KPNA6: variants seen among roughly 807,000 people sequenced by gnomAD.
KPNA6 encodes the protein importin subunit alpha-7.
KPNA6 carries 9 observed loss-of-function variants against 72.0 expected under a neutral mutation model. The ratio of observed to expected loss-of-function variants is 0.13; its 90% CI spans 0.08 to 0.22. The LOEUF is 0.22. Ranked by LOEUF, KPNA6 falls within the 10% of genes least tolerant of loss-of-function variation. The probability of loss-of-function intolerance (pLI) is 1.00; values close to 1 mark genes in which losing one functional copy is unlikely to be tolerated. For missense variants in KPNA6, 374 were observed against 655.7 expected (o/e 0.57, Z 4.69); for synonymous variants, 219 against 242.1 (o/e 0.90, Z 0.89).
intron 1 of KPNA6, among the ~76,000 whole-genome samples, chr1:32,146,545 T>C (rs560202044): frequency 6.6e-6 from 1 of 152,330 alleles, no homozygotes; most frequent in South Asian, 2.1e-4. Flanking sequence ...TTTATAACAC[T>C]CTAGTTGGAA....
chr1:32,153,052 A>G (rs1642065389), intron 1 of KPNA6, among the ~76,000 whole-genome samples: 1 of 147,088 alleles, frequency 6.8e-6, no homozygotes, highest in Non-Finnish European at 1.5e-5. Context: ...TAGTGTGAAC[A>G]TTTAATTACT....
chr1:32,166,012 A>AAACAAC (rs780584561), intron 10 of KPNA6, 93 bp from the exon 11 acceptor site: 24 of 1,388,176 alleles, frequency 1.7e-5, no homozygotes, highest in Non-Finnish European at 2.1e-5. Flanking sequence ...AAAAAAACAA[A>AAACAAC]AACAACAACA....
intron 1 of KPNA6, among the ~76,000 whole-genome samples, chr1:32,121,218 A>T (rs1188881724): frequency 6.6e-6 from 1 of 152,140 alleles, no homozygotes; most frequent in Non-Finnish European, 1.5e-5. Context: ...GCAGGAGATG[A>T]TGGCAGCAGC....
chr1:32,111,689 C>G lies in KPNA6; in HGVS notation c.4+3555C>G, dbSNP rs76078223. On this transcript the variant is annotated intron_variant, in intron 1 of 13. Coordinates refer to ENST00000373625, the MANE Select transcript of KPNA6 (RefSeq NM_012316.5). Reference sequence around the variant, plus strand: ...CACTAACACAGCCTGCCTTCACATGCCCACAAGTACGGAACCTGCCGTATT... The same window carrying G: ...CACTAACACAGCCTGCCTTCACATGGCCACAAGTACGGAACCTGCCGTATT... 5.4e-3 allele frequency among the ~76,000 whole-genome samples: 822 copies of G among 152,260 alleles called. 3 individuals are homozygous for G. The highest frequency in any genetic ancestry group is 0.019 in the African/African-American group (779 of 41,550).
At chr1:32,108,163 C>G (rs1462520722) in intron 1 of KPNA6, 29 bp downstream of exon 1, 3 of 1,613,856 alleles carry the variant, frequency 1.9e-6, no homozygotes, top group Non-Finnish European at 2.5e-6. Context: ...CAGTAGGGTT[C>G]TTGGGCTCAG....
chr1:32,172,994 T>C lies in KPNA6; in HGVS notation c.*2100T>C, dbSNP rs1642465465. The C allele has an allele frequency of 2.5e-6, 1 of 398,322 alleles. No homozygotes were observed. The highest frequency in any genetic ancestry group is 4.4e-6 in the Non-Finnish European group (1 of 225,950). The allele number at this position is 398,322 out of a possible 1,614,324, so 24.7% of individuals were successfully genotyped here. On this transcript the variant is annotated 3_prime_UTR_variant, in exon 14 of 14. Transcript: ENST00000373625. ...AAGCCATTTTCTGAGGAGGATGGTT[T>C]AGGTCTGGCAATTGTCCTTGAAAAA...
chr1:32,154,613 C>T lies in KPNA6; in HGVS notation c.30C>T (p.Asp10=). 1.2e-6 allele frequency: 2 copies of T among 1,613,664 alleles called. No homozygotes were observed. The highest frequency in any genetic ancestry group is 1.7e-6 in the Non-Finnish European group (2 of 1,179,810). ...AGACCATGGCGAGCCCAGGGAAAGA[C>T]AATTATCGAATGAAGAGCTATAAGA... The part of the protein sequence containing the change: METMASPGK[D]NYRMKSYKNN... The change falls in exon 2 of 14, where the codon GAC becomes GAT. Residue 10 remains aspartate (D), a synonymous_variant. Coordinates refer to ENST00000373625, the MANE Select transcript of KPNA6 (RefSeq NM_012316.5).
chr1:32,143,052 T>TCACACTGTCGCCCAGGCTGAAGTGCAGTG, intron 1 of KPNA6: 1 of 1,207,202 alleles, frequency 8.3e-7, no homozygotes, highest in Non-Finnish European at 1.1e-6. Context: ...TTCATAGTGC[T>TCACACTGTCGCCCAGGCTGAAGTGCAGTG]GCCTTCAGAA....
chr1:32,124,949 A>G (rs761707117), intron 1 of KPNA6, among the ~76,000 whole-genome samples: 6 of 150,816 alleles, frequency 4.0e-5, no homozygotes, highest in Admixed American at 6.6e-5. Context: ...GGTTCAAACA[A>G]TTCTCCTGCC....
intron 8 of KPNA6, 131 bp from the exon 9 acceptor site, chr1:32,162,230 G>A (rs1380139378): frequency 2.0e-6 from 2 of 984,486 alleles, no homozygotes; most frequent in Non-Finnish European, 3.1e-6. Flanking sequence ...GTTTAATGTA[G>A]TAGCGATCCC....
At position 32,170,956 on chromosome 1, in the gene KPNA6, C is replaced by T. The variant is rs1642424975; in HGVS notation, c.*62C>T. On this transcript the variant is annotated 3_prime_UTR_variant, in exon 14 of 14. Transcript: ENST00000373625. ...CACCAGCCAGCGGAAGAGCAGCCCT[C>T]TGGTGGGCGGGAAACCAGTGTCCCC... is the stretch of plus-strand genomic sequence containing the variant. 14 of 1,495,502 alleles carry T rather than the reference C, an allele frequency of 9.4e-6. No homozygotes were observed. Among genetic ancestry groups the T allele is most frequent in the Non-Finnish European group, 1.2e-5 (13 of 1,078,936 alleles). The allele number at this position is 1,495,502 out of a possible 1,614,324, so 92.6% of individuals were successfully genotyped here.
chr1:32,125,979 TAAAAAAA>T (rs75504815), intron 1 of KPNA6, among the ~76,000 whole-genome samples: 17 of 98,980 alleles, frequency 1.7e-4, no homozygotes, highest in Admixed American at 6.6e-4. Flanking sequence ...CTATATTTAC[TAAAAAAA>T]AAAAAAAAAA....
At chr1:32,124,236 A>G (rs1641490423) in intron 1 of KPNA6, among the ~76,000 whole-genome samples, 1 of 151,734 alleles carries the variant, frequency 6.6e-6, no homozygotes, top group Admixed American at 6.6e-5. Flanking sequence ...AGCGGTGTGT[A>G]GTGGCATGCA....
At chr1:32,130,093 A>G (rs927076019) in intron 1 of KPNA6, among the ~76,000 whole-genome samples, 31 of 152,138 alleles carry the variant, frequency 2.0e-4, no homozygotes, top group Admixed American at 9.8e-4. Context: ...TACTAAATCA[A>G]TTATCAGTCA....
chr1:32,147,602 T>C (rs1250168455), intron 1 of KPNA6, among the ~76,000 whole-genome samples: 2 of 151,828 alleles, frequency 1.3e-5, no homozygotes, highest in African/African-American at 4.8e-5. Context: ...CCAGCCTCTT[T>C]TCGGCACTTT....
intron 1 of KPNA6, among the ~76,000 whole-genome samples, chr1:32,111,046 C>T (rs770551838): frequency 6.6e-6 from 1 of 152,134 alleles, no homozygotes; most frequent in African/African-American, 2.4e-5. Context: ...ACTGATAGGC[C>T]TTTCTTAGTA....
chr1:32,108,075 G>A lies in KPNA6; in HGVS notation c.-56G>A, dbSNP rs1023784609. 3.1e-6 allele frequency: 5 copies of A among 1,613,532 alleles called. No individual in the cohort carries two copies. Among genetic ancestry groups the A allele is most frequent in the Non-Finnish European group, 3.4e-6 (4 of 1,179,644 alleles). ...TCCGCCATATTGTCTACTGAAAGCT[G>A]CCGCTGAAGCTGCCGCCGTTGCCTC... On this transcript the variant is annotated 5_prime_UTR_variant, in exon 1 of 14. Transcript: ENST00000373625.
intron 1 of KPNA6, among the ~76,000 whole-genome samples, chr1:32,143,542 C>CACCACA (rs1021074031): frequency 6.2e-5 from 9 of 144,994 alleles, no homozygotes; most frequent in Admixed American, 5.6e-4. Context: ...TGCTGCACTC[C>CACCACA]AGCCCGGGTG....
chr1:32,125,451 T>G (rs1428782486), intron 1 of KPNA6, among the ~76,000 whole-genome samples: 1 of 152,206 alleles, frequency 6.6e-6, no homozygotes, highest in Non-Finnish European at 1.5e-5. Flanking sequence ...AGGCCATCTC[T>G]TGCCATATCG....
Sources: allele counts gnomAD v4.1 joint callset (sites outside exome capture counted in the v4.1 genomes callset), GRCh38; gene constraint gnomAD v4.1.1; transcripts MANE v1.5; gene names NCBI Gene and HGNC (gene_info 2026-07-23, HGNC 2026-07-21).